The following NFIX variants were observed in gnomAD, a reference collection of about 807,000 sequenced individuals.
NFIX encodes the protein nuclear factor I X, also known as nuclear factor 1 X-type.
NFIX carries 2 observed loss-of-function variants against 53.3 expected under a neutral mutation model. That is an observed-to-expected ratio of 0.04 (90% CI 0.02 to 0.12). NFIX has a LOEUF of 0.12. Ranked by LOEUF, NFIX falls within the 10% of genes least tolerant of loss-of-function variation. The pLI is 1.00. For missense variants in NFIX, 310 were observed against 674.5 expected (o/e 0.46, Z 5.99); for synonymous variants, 244 against 289.0 (o/e 0.84, Z 1.58).
chr19:13,083,771 T>G (rs2145484495), intron 8 of NFIX, among the ~76,000 whole-genome samples: 1 of 152,324 alleles, frequency 6.6e-6, no homozygotes, highest in South Asian at 2.1e-4. Context: ...GCCTGCTTGA[T>G]GGAGCCCACG....
intron 2 of NFIX, among the ~76,000 whole-genome samples, chr19:13,026,029 A>C (rs2013317480): frequency 6.6e-6 from 1 of 152,202 alleles, no homozygotes; most frequent in South Asian, 2.1e-4. Context: ...GATGGGCAGG[A>C]GTCCGGTGGA....
Position 12,996,694 on chromosome 19 carries a change from C to T in NFIX, c.27+830C>T, listed in dbSNP as rs1026636369. Among the ~76,000 whole-genome samples the T allele has an allele frequency of 5.9e-5, 9 of 152,190 alleles. No homozygotes were observed. The highest frequency in any genetic ancestry group is 1.2e-4 in the Non-Finnish European group (8 of 68,028). On this transcript the variant is annotated intron_variant, in intron 1 of 10. Transcript: ENST00000592199. The surrounding 1 kb of genome is among the most constrained non-coding windows in gnomAD (Gnocchi z 5.2). The stretch of plus-strand genomic sequence containing the variant: ...AGGCCTGGGGAATCCCGTCCCGTCG[C>T]CTGGAGGCGGGAGGGGCGGGAGGCA...
chr19:13,039,822 C>T (rs985933069), intron 2 of NFIX, among the ~76,000 whole-genome samples: 3 of 152,160 alleles, frequency 2.0e-5, no homozygotes, highest in Non-Finnish European at 4.4e-5. Flanking sequence ...TAGTTTTATA[C>T]GCTCCATAAA....
In NFIX at chr19:13,036,344, C is replaced by T. The variant is rs1305418894; in HGVS notation, c.559+10792C>T. On this transcript the variant is annotated intron_variant, in intron 2 of 10. Transcript: ENST00000592199. The surrounding 1 kb of genome is among the most constrained non-coding windows in gnomAD (Gnocchi z 4.7). ...ATTGTTTGTTTTGGGTTTAACAATA[C>T]AGCAGGGAGAAGAGTGGCAGAGGAA... 1.3e-5 allele frequency among the ~76,000 whole-genome samples: 2 copies of T among 152,306 alleles called. No individual in the cohort carries two copies. Among genetic ancestry groups the T allele is most frequent in the African/African-American group, 4.8e-5 (2 of 41,548 alleles).
At chr19:13,000,707 T>C (rs1384196964) in intron 1 of NFIX, among the ~76,000 whole-genome samples, 2 of 152,144 alleles carry the variant, frequency 1.3e-5, no homozygotes, top group Non-Finnish European at 2.9e-5. Context: ...ATCTAGATGA[T>C]GACTTCAGGG....
rs2017943462 is a variant in NFIX at position 13,088,617 on chromosome 19, C to T, written c.1402+481C>T. On this transcript the variant is annotated intron_variant, in intron 9 of 10. Transcript: ENST00000592199. This position sits in a 1 kb window ranked among gnomAD's most constrained non-coding sequence, Gnocchi z 5.9. ...ACCATCCCCTTTTTGCCTTGCCCCT[C>T]ACCTCCATCCCTGGGCCCTTGGGCC... is the stretch of plus-strand genomic sequence containing the variant. 2.6e-5 allele frequency among the ~76,000 whole-genome samples: 4 copies of T among 152,064 alleles called. No individual in the cohort carries two copies. In the South Asian group the frequency reaches 6.2e-4, roughly 24 times the overall value.
rs908213791 is a variant in NFIX at position 13,072,493 on chromosome 19, T to C, written c.560-554T>C. On this transcript the variant is annotated intron_variant, in intron 2 of 10. Coordinates refer to ENST00000592199, the MANE Select transcript of NFIX (RefSeq NM_001365902.3). The surrounding 1 kb of genome is among the most constrained non-coding windows in gnomAD (Gnocchi z 4.0). ...GGAGGCGCAGGCAGACAGGAATGGC[T>C]TCAATTAACCAAGTTAGGGAAGGGG... 3.9e-5 allele frequency among the ~76,000 whole-genome samples: 6 copies of C among 152,166 alleles called. No homozygotes were observed. Among genetic ancestry groups the C allele is most frequent in the African/African-American group, 7.2e-5 (3 of 41,440 alleles).
chr19:13,023,070 T>TCTC (rs2013036703), intron 1 of NFIX, among the ~76,000 whole-genome samples: 3 of 138,070 alleles, frequency 2.2e-5, no homozygotes, highest in Admixed American at 7.0e-5. Flanking sequence ...TTCTCTCTCT[T>TCTC]TCTCTCTCTC....
chr19:13,056,571 T>G (rs1222137533), intron 2 of NFIX, among the ~76,000 whole-genome samples: 1 of 152,134 alleles, frequency 6.6e-6, no homozygotes, highest in African/African-American at 2.4e-5. Context: ...TCATTTGAAA[T>G]TCGGCCTCCC....
At chr19:13,039,228 C>CACA (rs1555698305) in intron 2 of NFIX, among the ~76,000 whole-genome samples, 9 of 144,584 alleles carry the variant, frequency 6.2e-5, no homozygotes, top group African/African-American at 2.6e-4. Flanking sequence ...ACACCCCCCC[C>CACA]CACACACACA....
intron 2 of NFIX, among the ~76,000 whole-genome samples, chr19:13,032,009 T>A (rs756094186): frequency 1.3e-5 from 2 of 149,448 alleles, no homozygotes; most frequent in African/African-American, 2.5e-5. Flanking sequence ...GCTGCCACGC[T>A]TCAGTTATTT....
rs1273148764 is a variant in NFIX at position 13,088,435 on chromosome 19, G to A, written c.1402+299G>A. ...GGGCGCGCAGGCCAGGGGTGCTGGC[G>A]GGGGTGGGAGGGGGCGGGGAGGCAC... On this transcript the variant is annotated intron_variant, in intron 9 of 10. Coordinates refer to ENST00000592199, the MANE Select transcript of NFIX (RefSeq NM_001365902.3). This position sits in a 1 kb window ranked among gnomAD's most constrained non-coding sequence, Gnocchi z 5.9. 2.0e-5 allele frequency among the ~76,000 whole-genome samples: 3 copies of A among 152,086 alleles called. No individual in the cohort carries two copies. Among genetic ancestry groups the A allele is most frequent in the Non-Finnish European group, 4.4e-5 (3 of 68,000 alleles).
rs2012488205 is a variant in NFIX, at chr19:13,013,483, A to C, written c.28-11538A>C. On this transcript the variant is annotated intron_variant, in intron 1 of 10. Coordinates refer to ENST00000592199, the MANE Select transcript of NFIX (RefSeq NM_001365902.3). The surrounding 1 kb of genome is among the most constrained non-coding windows in gnomAD (Gnocchi z 5.9). ...ACGTGCGGATGACTCAGCCCGCTGC[A>C]GCTGCGCCCGGGGAGGTGACCCTGG... Among the ~76,000 whole-genome samples, 1 of 152,138 alleles carries C rather than the reference A, an allele frequency of 6.6e-6. No homozygotes were observed. The highest frequency in any genetic ancestry group is 1.5e-5 in the Non-Finnish European group (1 of 68,022).
chr19:13,044,359 C>G (rs936777189), intron 2 of NFIX, among the ~76,000 whole-genome samples: 1 of 152,184 alleles, frequency 6.6e-6, no homozygotes, highest in Non-Finnish European at 1.5e-5. Flanking sequence ...TCTGTTCTTT[C>G]CTCTGCAGGG....
In NFIX at chr19:13,043,297, A is replaced by C. The variant is rs1246322244; in HGVS notation, c.559+17745A>C. On this transcript the variant is annotated intron_variant, in intron 2 of 10. Transcript: ENST00000592199. This position sits in a 1 kb window ranked among gnomAD's most constrained non-coding sequence, Gnocchi z 4.0. ...TTCCTGTTAGCACTGCTAGAAGGGGAGGGACCCTTGGGGGTCACCGTGGCA... is the reference window on the plus strand; with the variant it reads ...TTCCTGTTAGCACTGCTAGAAGGGGCGGGACCCTTGGGGGTCACCGTGGCA... Among the ~76,000 whole-genome samples, 2 of 152,160 alleles carry C rather than the reference A, an allele frequency of 1.3e-5. No homozygotes were observed. Among genetic ancestry groups the C allele is most frequent in the African/African-American group, 4.8e-5 (2 of 41,430 alleles).
intron 2 of NFIX, chr19:13,070,536 T>G (rs2016710900): frequency 6.6e-6 from 1 of 152,562 alleles, no homozygotes; most frequent in African/African-American, 2.4e-5. Flanking sequence ...CTCCTGTGCC[T>G]CTGAGCCTGG....
At position 13,014,797 on chromosome 19, in the gene NFIX, C is replaced by T. The variant is rs964953614; in HGVS notation, c.28-10224C>T. Among the ~76,000 whole-genome samples, 1 of 152,120 alleles carries T rather than the reference C, an allele frequency of 6.6e-6. No individual in the cohort carries two copies. Among genetic ancestry groups the T allele is most frequent in the South Asian group, 2.1e-4 (1 of 4,824 alleles). ...AGGGTCCAGGGCCAGTGGCTGAGCA[C>T]GGCCTGGAGAGATGTGGGAGTTGGG... On this transcript the variant is annotated intron_variant, in intron 1 of 10. Transcript: ENST00000592199. This position sits in a 1 kb window ranked among gnomAD's most constrained non-coding sequence, Gnocchi z 4.4.
chr19:13,059,421 CTGGGAGCTAG>C (rs2015918085), intron 2 of NFIX, among the ~76,000 whole-genome samples: 1 of 152,226 alleles, frequency 6.6e-6, no homozygotes, highest in Admixed American at 6.5e-5. Context: ...CACTTGCATT[CTGGGAGCTAG>C]TGGGAGGTTA....
rs912589802 is a variant in NFIX, at chr19:13,001,753, C to T, written c.27+5889C>T. Among the ~76,000 whole-genome samples, 4 of 152,192 alleles carry T rather than the reference C, an allele frequency of 2.6e-5. No homozygotes were observed. Among genetic ancestry groups the T allele is most frequent in the Non-Finnish European group, 4.4e-5 (3 of 68,030 alleles). ...ATCACTGTGGGTCTCACCCCACGGGCGCCTCTCCTGGGCATTCCCTTGGCC... is the reference window on the plus strand; with the variant it reads ...ATCACTGTGGGTCTCACCCCACGGGTGCCTCTCCTGGGCATTCCCTTGGCC... On this transcript the variant is annotated intron_variant, in intron 1 of 10. Transcript: ENST00000592199. This position sits in a 1 kb window ranked among gnomAD's most constrained non-coding sequence, Gnocchi z 6.5.
Sources: allele counts gnomAD v4.1 joint callset (sites outside exome capture counted in the v4.1 genomes callset), GRCh38; gene constraint gnomAD v4.1.1; non-coding constraint Gnocchi (gnomAD v3.1); transcripts MANE v1.5; gene names NCBI Gene and HGNC (gene_info 2026-07-23, HGNC 2026-07-21).